DBNL: variants seen among roughly 807,000 people sequenced by gnomAD.
DBNL encodes the protein drebrin-like protein.
Under a neutral mutation model 62.2 loss-of-function variants are expected in DBNL, and 35 were observed. The ratio of observed to expected loss-of-function variants is 0.56; its 90% CI spans 0.43 to 0.75. The LOEUF is 0.75. DBNL is among the 30% of genes least tolerant of loss of function. The probability of loss-of-function intolerance (pLI) is 0.00; values close to 1 mark genes in which losing one functional copy is unlikely to be tolerated. For synonymous variants in DBNL, 197 were observed against 218.0 expected (o/e 0.90, Z 0.85); for missense variants, 495 against 578.4 (o/e 0.86, Z 1.48).
intron 1 of DBNL, among the ~76,000 whole-genome samples, chr7:44,046,766 G>T (rs1235099980): frequency 3.3e-5 from 5 of 152,176 alleles, no homozygotes; most frequent in Non-Finnish European, 5.9e-5. Flanking sequence ...AAAAATATCT[G>T]GACCATGTCA....
At chr7:44,056,404 A>T (rs2096136497) in intron 4 of DBNL, among the ~76,000 whole-genome samples, 1 of 152,198 alleles carries the variant, frequency 6.6e-6, no homozygotes, top group Non-Finnish European at 1.5e-5. Context: ...TCCAGATGGC[A>T]TTTAAAATTA....
chr7:44,048,204 C>T (rs936068753), intron 1 of DBNL, among the ~76,000 whole-genome samples: 4 of 152,192 alleles, frequency 2.6e-5, no homozygotes, highest in African/African-American at 7.2e-5. Flanking sequence ...CATGAGCCAT[C>T]GCAGCTGGTT....
chr7:44,051,763 A>G lies in DBNL; in HGVS notation c.140-67A>G, dbSNP rs779385756. ...TTTAGAAGCAGCTCGGCCTCCCTTC[A>G]TGGTGGGACCAGGGCCAGCAGGGAA... On this transcript the variant is annotated intron_variant, in intron 2 of 12. Coordinates refer to ENST00000448521, the MANE Select transcript of DBNL (RefSeq NM_001014436.3). 4.0e-5 allele frequency: 60 copies of G among 1,511,922 alleles called. No individual in the cohort carries two copies. In the African/African-American group the frequency reaches 7.8e-4, roughly 20 times the overall value. The allele number at this position is 1,511,922 out of a possible 1,614,324, so 93.7% of individuals were successfully genotyped here. A position where few individuals can be genotyped will look rare whatever the true frequency, so the allele number is the denominator to read the frequency against.
Position 44,060,217 on chromosome 7 carries a change from TGGGGTTTTATGGGAAGATGGCAC to T in DBNL, c.1153+65_1153+87del. 7.0e-7 allele frequency: 1 copy of T among 1,429,480 alleles called. No individual in the cohort carries two copies. The highest frequency in any genetic ancestry group is 1.2e-5 in the South Asian group (1 of 83,334). The allele number at this position is 1,429,480 out of a possible 1,614,324, so 88.5% of individuals were successfully genotyped here. A position where few individuals can be genotyped will look rare whatever the true frequency, so the allele number is the denominator to read the frequency against. ...CCTGAGGTTAGGAGACAAGAGGGTC[TGGGGTTTTATGGGAAGATGGCAC>T]CAGGGGGTATCAGGAAGAGAAGACA... is the stretch of plus-strand genomic sequence containing the variant. On this transcript the variant is annotated intron_variant, in intron 12 of 12. Coordinates refer to ENST00000448521, the MANE Select transcript of DBNL (RefSeq NM_001014436.3). The surrounding 1 kb of genome is among the most constrained non-coding windows in gnomAD (Gnocchi z 6.3).
chr7:44,056,998 G>T, intron 5 of DBNL, 95 bp downstream of exon 5: 1 of 1,542,908 alleles, frequency 6.5e-7, no homozygotes, highest in Non-Finnish European at 8.8e-7. Context: ...GGCTGGCTGG[G>T]CCCATGCCTG....
In DBNL at chr7:44,058,890, G is replaced by A. The variant is rs749111286; in HGVS notation, c.754-12G>A. On this transcript the variant is annotated splice_polypyrimidine_tract_variant and intron_variant, in intron 8 of 12. Coordinates refer to ENST00000448521, the MANE Select transcript of DBNL (RefSeq NM_001014436.3). The stretch of plus-strand genomic sequence containing the variant: ...TTGCCCACTGCAGGGGTCAACATGT[G>A]CTTCCCTCCAGGAGTCTGCCGTGCA... 7 of 1,613,844 alleles carry A rather than the reference G, an allele frequency of 4.3e-6. No individual in the cohort carries two copies. In the Admixed American group the frequency reaches 5.0e-5, roughly 12 times the overall value.
At chr7:44,058,583 T>A in intron 8 of DBNL, 103 bp downstream of exon 8, 1 of 1,441,030 alleles carries the variant, frequency 6.9e-7, no homozygotes, top group Non-Finnish European at 9.5e-7. Flanking sequence ...GAGGCTGCCC[T>A]GCAGTCAGCT....
intron 4 of DBNL, among the ~76,000 whole-genome samples, chr7:44,053,843 A>AT (rs2096130926): frequency 6.6e-6 from 1 of 151,890 alleles, no homozygotes; most frequent in Admixed American, 6.6e-5. Flanking sequence ...CGCCCAGCTA[A>AT]TTTTTTGTAT....
At chr7:44,051,117 A>G (rs1451381109) in intron 2 of DBNL, 2 of 152,358 alleles carry the variant, frequency 1.3e-5, no homozygotes, top group Admixed American at 6.5e-5. Flanking sequence ...CACAAATGCA[A>G]CAATTTGCTG....
chr7:44,069,066 G>GAATGA lies in DBNL; in HGVS notation c.*8154_*8158dup, dbSNP rs2096164488. ...AAATTTCTATTTTACTGGAATAAAA[G>GAATGA]AATGAAATAAAGACATTCTCAAATG... On this transcript the variant is annotated 3_prime_UTR_variant, in exon 13 of 13. Coordinates refer to ENST00000448521, the MANE Select transcript of DBNL (RefSeq NM_001014436.3). 2.6e-4 allele frequency: 1 copy of GAATGA among 3,920 alleles called. No individual in the cohort carries two copies. The highest frequency in any genetic ancestry group is 1.1e-3 in the East Asian group (1 of 886). 0.2% of individuals were successfully genotyped at this position (3,920 alleles called of 1,614,324 possible).
At position 44,062,759 on chromosome 7, in the gene DBNL, A is replaced by AC; in HGVS notation, c.*1847dup. 6.2e-7 allele frequency: 1 copy of AC among 1,613,660 alleles called. No individual in the cohort carries two copies. ...GGAGGTGCCTTTATTGCCCAAGCCC[A>AC]CCCCTCACTTGGCCTTGCCCTGGGC... On this transcript the variant is annotated 3_prime_UTR_variant, in exon 13 of 13. Coordinates refer to ENST00000448521, the MANE Select transcript of DBNL (RefSeq NM_001014436.3).
Position 44,058,434 on chromosome 7 carries a change from C to T in DBNL, c.707C>T (p.Thr236Met), listed in dbSNP as rs147233974. The change falls in exon 8 of 13, where the codon ACG becomes ATG. Residue 236 changes from threonine to methionine, a missense_variant and splice_region_variant. Thr to Met is a moderately conservative substitution (Grantham distance 81). Transcript: ENST00000448521. ...EQGGEASPQRTWEQQQEVVSR... is the reference protein window; with the variant it reads ...EQGGEASPQRMWEQQQEVVSR... Reference sequence around the variant, plus strand: ...CCCCACCCGGCCCTTCCCAGCAGGACGTGGGAGCAGCAGCAAGAAGTGGTT... The same window carrying T: ...CCCCACCCGGCCCTTCCCAGCAGGATGTGGGAGCAGCAGCAAGAAGTGGTT... 2.2e-3 allele frequency: 3,613 copies of T among 1,614,198 alleles called. 17 individuals carry two copies. Among genetic ancestry groups the T allele is most frequent in the Middle Eastern group, 0.016 (98 of 6,062 alleles).
intron 4 of DBNL, among the ~76,000 whole-genome samples, chr7:44,055,700 G>A (rs989917510): frequency 7.9e-5 from 12 of 152,252 alleles, no homozygotes; most frequent in East Asian, 3.9e-4. Flanking sequence ...TTAGCCATGC[G>A]TATATCATCT....
chr7:44,053,712 C>T (rs965292838), intron 4 of DBNL, among the ~76,000 whole-genome samples: 4 of 150,718 alleles, frequency 2.7e-5, no homozygotes, highest in African/African-American at 7.3e-5. Flanking sequence ...AGTCTCGCTC[C>T]GTTGCCCAGG....
rs769146811 is a variant in DBNL, at chr7:44,059,358, G to A, written c.840G>A (p.Lys280=). The A allele has an allele frequency of 8.7e-6, 14 of 1,614,010 alleles. No homozygotes were observed. The South Asian group carries it at 1.4e-4, about 16-fold the overall frequency. ...TTSISSPQPG[K]LRSPFLQKQL... is the part of the protein sequence containing the mutation. Reference sequence around the variant, plus strand: ...TATATTTACCCGGGTTTGCAGGCAAGCTGAGGAGCCCCTTCCTGCAGAAGC... The same window carrying A: ...TATATTTACCCGGGTTTGCAGGCAAACTGAGGAGCCCCTTCCTGCAGAAGC... Residue 280 remains lysine (K), a synonymous_variant, in exon 10 of 13, where the codon AAG becomes AAA. Transcript: ENST00000448521. This position sits in a 1 kb window ranked among gnomAD's most constrained non-coding sequence, Gnocchi z 4.1.
Position 44,064,546 on chromosome 7 carries a change from C to T in DBNL, c.*3630C>T. 2.1e-6 allele frequency: 1 copy of T among 486,384 alleles called. No individual in the cohort carries two copies. Among genetic ancestry groups the T allele is most frequent in the Non-Finnish European group, 3.8e-6 (1 of 265,496 alleles). 30.1% of individuals were successfully genotyped at this position (486,384 alleles called of 1,614,324 possible). A position where few individuals can be genotyped will look rare whatever the true frequency, so the allele number is the denominator to read the frequency against. On this transcript the variant is annotated 3_prime_UTR_variant, in exon 13 of 13. Transcript: ENST00000448521. ...TGCTCTAAGCCCAGCCCTTCCGTTT[C>T]CTAGCTGGGTGTCCCTTGGCAGATG...
In DBNL at chr7:44,065,814, G is replaced by A. The variant is rs2096158978; in HGVS notation, c.*4898G>A. 1.1e-5 allele frequency: 6 copies of A among 536,918 alleles called. No individual in the cohort carries two copies. Among genetic ancestry groups the A allele is most frequent in the Non-Finnish European group, 1.7e-5 (5 of 296,428 alleles). 33.3% of individuals were successfully genotyped at this position (536,918 alleles called of 1,614,324 possible). The stretch of plus-strand genomic sequence containing the variant: ...TGGCACCCAGAGCCCAGACTGAGTG[G>A]GGCTGCTGGTCAGGGATGGGCGTGA... On this transcript the variant is annotated 3_prime_UTR_variant, in exon 13 of 13. Coordinates refer to ENST00000448521, the MANE Select transcript of DBNL (RefSeq NM_001014436.3).
At chr7:44,057,053 A>G (rs1023628757) in intron 5 of DBNL, 150 bp downstream of exon 5, 4 of 1,222,742 alleles carry the variant, frequency 3.3e-6, no homozygotes, top group East Asian at 5.0e-5. Flanking sequence ...GTGATTGCCC[A>G]CTGACCAGAT....
intron 1 of DBNL, among the ~76,000 whole-genome samples, chr7:44,047,884 C>T (rs528215264): frequency 6.9e-6 from 1 of 145,094 alleles, no homozygotes; most frequent in African/African-American, 2.5e-5. Flanking sequence ...TTGAGCTTGG[C>T]TCTTATTATA....
Sources: allele counts gnomAD v4.1 joint callset (sites outside exome capture counted in the v4.1 genomes callset), GRCh38; gene constraint gnomAD v4.1.1; non-coding constraint Gnocchi (gnomAD v3.1); transcripts MANE v1.5; gene names NCBI Gene and HGNC (gene_info 2026-07-23, HGNC 2026-07-21).